Variants in ANXA4 observed in about 807,000 individuals in gnomAD.
ANXA4 encodes annexin A4.
Under a neutral mutation model 49.8 loss-of-function variants are expected in ANXA4, and 39 were observed. The observed-to-expected ratio is 0.78, with a 90% CI of 0.61 to 1.02. The LOEUF (loss-of-function observed/expected upper bound fraction) is 1.02, where lower values mean the gene tolerates loss of function less well. Ranked by LOEUF, ANXA4 falls within the 50% of genes least tolerant of loss-of-function variation. The pLI is 0.00. For synonymous variants in ANXA4, 134 were observed against 152.5 expected (o/e 0.88, Z 0.89); for missense variants, 360 against 410.1 (o/e 0.88, Z 1.05).
intron 2 of ANXA4, among the ~76,000 whole-genome samples, chr2:69,782,645 G>A (rs1308044050): frequency 1.3e-5 from 2 of 152,182 alleles, no homozygotes; most frequent in African/African-American, 2.4e-5. Context: ...ATGAGCCACT[G>A]TGCCTAGCCA....
chr2:69,816,772 C>G (rs1227404872), intron 9 of ANXA4: 1 of 152,212 alleles, frequency 6.6e-6, no homozygotes, highest in East Asian at 1.9e-4. Flanking sequence ...GGTTCATATT[C>G]TTTTAAACAA....
At chr2:69,819,173 A>G (rs1315788810) in intron 10 of ANXA4, 107 bp from the exon 11 acceptor site, 1 of 785,958 alleles carries the variant, frequency 1.3e-6, no homozygotes, top group African/African-American at 1.8e-5. Flanking sequence ...TTCCCTGGCA[A>G]AGCAAATATT....
rs1217707781 is a variant in ANXA4 at position 69,699,908 on chromosome 2, A to G, written n.767-20866A>G. ...AAAAAGTCTGAAGATGGCGACCTCCAGGGAATTTAGTCGCCCCAGCAGGAA... is the reference window on the plus strand; with the variant it reads ...AAAAAGTCTGAAGATGGCGACCTCCGGGGAATTTAGTCGCCCCAGCAGGAA... On this transcript the variant is annotated intron_variant and non_coding_transcript_variant, in intron 2 of 3. Coordinates refer to the ANXA4 transcript ENST00000418066. Among the ~76,000 whole-genome samples the G allele has an allele frequency of 2.0e-5, 3 of 152,204 alleles. No individual in the cohort carries two copies. In the East Asian group the frequency reaches 5.8e-4, roughly 29 times the overall value.
At chr2:69,772,471 G>T (rs1408870864) in intron 1 of ANXA4, among the ~76,000 whole-genome samples, 1 of 151,992 alleles carries the variant, frequency 6.6e-6, no homozygotes, top group Non-Finnish European at 1.5e-5. Context: ...TCAGCCCTTG[G>T]GAGCTGTCAT....
At chr2:69,743,513 C>T (rs1291028311) in intron 1 of ANXA4, among the ~76,000 whole-genome samples, 1 of 152,142 alleles carries the variant, frequency 6.6e-6, no homozygotes, top group Non-Finnish European at 1.5e-5. Context: ...CCACCGTGCC[C>T]AGCGGCCAAA....
Position 69,658,104 on chromosome 2 carries a change from CA to C in ANXA4, n.766+4831del, listed in dbSNP as rs562347646. ...GATCCTCTTTAAATTCTGTCAAAAG[CA>C]AAAAAAAATAGGCGGGGCACAGTGG... On this transcript the variant is annotated intron_variant and non_coding_transcript_variant, in intron 2 of 3. Transcript: ENST00000418066. Among the ~76,000 whole-genome samples the C allele has an allele frequency of 5.1e-4, 76 of 148,494 alleles. 1 individual carries two copies. In the Middle Eastern group the frequency reaches 0.014, roughly 27 times the overall value.
rs1393399145 is a variant in ANXA4, at chr2:69,675,867, C to CA, written n.766+22591dup. On this transcript the variant is annotated intron_variant and non_coding_transcript_variant, in intron 2 of 3. Coordinates refer to the ANXA4 transcript ENST00000418066. Reference sequence around the variant, plus strand: ...TGAAACCCTGTCTCTACTAAAAATACAAAAAATTAGCCAAGCGTGGTCTCA... The same window carrying CA: ...TGAAACCCTGTCTCTACTAAAAATACAAAAAAATTAGCCAAGCGTGGTCTCA... Among the ~76,000 whole-genome samples, 11 of 151,894 alleles carry CA rather than the reference C, an allele frequency of 7.2e-5. No homozygotes were observed. In the East Asian group the frequency reaches 1.9e-3, roughly 27 times the overall value.
chr2:69,820,565 C>A, intron 11 of ANXA4, 134 bp from the exon 12 acceptor site: 1 of 992,346 alleles, frequency 1.0e-6, no homozygotes, highest in Non-Finnish European at 1.5e-6. Flanking sequence ...TGAGGATATT[C>A]CTCAGGCCTG....
Position 69,819,278 on chromosome 2 carries a change from AG to A in ANXA4, c.725-1del. ...CATTTCTTCTTTTTTTTTCTTTGAC[AG>A]TAAAGTGCATGAGGAACAAATCTGC... On this transcript the variant is annotated splice_acceptor_variant, in intron 10 of 12. Coordinates refer to ENST00000394295, the MANE Select transcript of ANXA4 (RefSeq NM_001153.5). LOFTEE classifies it high-confidence loss of function. 1 of 1,596,178 alleles carries A rather than the reference AG, an allele frequency of 6.3e-7. No individual in the cohort carries two copies.
chr2:69,737,181 G>A (rs966266066), upstream of ANXA4, among the ~76,000 whole-genome samples: 2 of 152,152 alleles, frequency 1.3e-5, no homozygotes, highest in South Asian at 2.1e-4. Context: ...ATGCCATTCC[G>A]ATTCTGGATC....
intron 2 of ANXA4, among the ~76,000 whole-genome samples, chr2:69,678,123 G>A (rs1445022681): frequency 1.3e-5 from 2 of 152,148 alleles, no homozygotes; most frequent in African/African-American, 4.8e-5. Flanking sequence ...GTCTGGAACT[G>A]AAACTGCAAT....
intron 1 of ANXA4, among the ~76,000 whole-genome samples, chr2:69,775,956 T>TTA (rs1484976002): frequency 6.7e-5 from 9 of 134,282 alleles, no homozygotes; most frequent in African/African-American, 2.6e-4. Flanking sequence ...TTTTATTTAT[T>TTA]TTTATTTTAT....
At chr2:69,734,597 C>G (rs1301685062) in intron 3 of ANXA4, among the ~76,000 whole-genome samples, 1 of 151,988 alleles carries the variant, frequency 6.6e-6, no homozygotes, top group African/African-American at 2.4e-5. Flanking sequence ...TCACCAGTCA[C>G]CTCTAGACCT....
chr2:69,644,047 G>C, upstream of ANXA4: 1 of 281,900 alleles, frequency 3.5e-6, no homozygotes, highest in South Asian at 1.4e-4. Context: ...TCCTGGAGGA[G>C]AGGGCGAGGC....
intron 1 of ANXA4, among the ~76,000 whole-genome samples, chr2:69,772,542 G>A (rs56203617): frequency 0.035 from 5,359 of 151,790 alleles, 156 homozygotes; most frequent in South Asian, 0.049. Flanking sequence ...TTGTGTTTTG[G>A]GGGGTGCATT....
Position 69,826,009 on chromosome 2 carries a change from A to G in ANXA4, c.*494A>G, listed in dbSNP as rs1573330091. 1 of 152,392 alleles carries G rather than the reference A, an allele frequency of 6.6e-6. No individual in the cohort carries two copies. The highest frequency in any genetic ancestry group is 2.1e-4 in the South Asian group (1 of 4,834). The allele number at this position is 152,392 out of a possible 1,614,324, so 9.4% of individuals were successfully genotyped here. ...CATAGTCAAAGCCTTGAAAGCATCT[A>G]CAAATCTCTTTTTTTAGGTTTTGTC... On this transcript the variant is annotated 3_prime_UTR_variant, in exon 13 of 13. Coordinates refer to ENST00000394295, the MANE Select transcript of ANXA4 (RefSeq NM_001153.5).
chr2:69,646,226 TA>T (rs1490447677), intron 1 of ANXA4, among the ~76,000 whole-genome samples: 1 of 152,194 alleles, frequency 6.6e-6, no homozygotes, highest in African/African-American at 2.4e-5. Flanking sequence ...GAGTACAAAA[TA>T]ATGAACAGAT....
At chr2:69,736,737 T>G (rs910775103) in intron 3 of ANXA4, among the ~76,000 whole-genome samples, 1 of 152,242 alleles carries the variant, frequency 6.6e-6, no homozygotes, top group Admixed American at 6.5e-5. Context: ...CACATTTGAC[T>G]GCTAATTTGT....
intron 1 of ANXA4, among the ~76,000 whole-genome samples, chr2:69,778,663 T>TA (rs1672061460): frequency 6.6e-6 from 1 of 150,520 alleles, no homozygotes; most frequent in African/African-American, 2.4e-5. Context: ...TAATCCCAGC[T>TA]ACTCGGGAGG....
Sources: allele counts gnomAD v4.1 joint callset (sites outside exome capture counted in the v4.1 genomes callset), GRCh38; gene constraint gnomAD v4.1.1; transcripts MANE v1.5; gene names NCBI Gene and HGNC (gene_info 2026-07-23, HGNC 2026-07-21).